KCNAB1: variants seen among roughly 807,000 people sequenced by gnomAD.
KCNAB1 encodes the protein voltage-gated potassium channel subunit beta-1.
KCNAB1 carries 35 observed loss-of-function variants against 64.6 expected under a neutral mutation model. The observed-to-expected ratio is 0.54, with a 90% CI of 0.41 to 0.72. KCNAB1 has a LOEUF of 0.72. Among genes scored for constraint, KCNAB1 ranks in the 30% least tolerant of loss-of-function variants. The probability of loss-of-function intolerance (pLI) is 0.00; values close to 1 mark genes in which losing one functional copy is unlikely to be tolerated. For synonymous variants in KCNAB1, 177 were observed against 183.8 expected, an observed-to-expected ratio of 0.96 and a Z score of 0.30; for missense variants, 401 against 512.9, an observed-to-expected ratio of 0.78 and a Z score of 2.11.
chr3:156,339,497 A>T (rs1459907761), intron 1 of KCNAB1, among the ~76,000 whole-genome samples: 1 of 152,156 alleles, frequency 6.6e-6, no homozygotes, highest in Non-Finnish European at 1.5e-5. Flanking sequence ...GGTCTGTCCA[A>T]AGGTGACAAG....
chr3:156,444,139 C>T lies in KCNAB1; in HGVS notation c.320-8760C>T, dbSNP rs187204566. Among the ~76,000 whole-genome samples the T allele has an allele frequency of 4.5e-3, 688 of 152,226 alleles. 2 individuals carry two copies. Among genetic ancestry groups the T allele is most frequent in the Non-Finnish European group, 7.8e-3 (533 of 68,022 alleles). ...GCTCTGTGGAAAATACTGACAGATG[C>T]GAGCCAGAACAAGGAAGAATGCTTT... On this transcript the variant is annotated intron_variant, in intron 2 of 13. Transcript: ENST00000490337.
At chr3:156,444,166 T>C (rs1351251395) in intron 2 of KCNAB1, among the ~76,000 whole-genome samples, 1 of 152,218 alleles carries the variant, frequency 6.6e-6, no homozygotes, top group Non-Finnish European at 1.5e-5. Flanking sequence ...GAATGCTTTG[T>C]GTGCGTCATT....
chr3:156,266,556 C>T (rs1718725647), intron 1 of KCNAB1, among the ~76,000 whole-genome samples: 1 of 152,222 alleles, frequency 6.6e-6, no homozygotes, highest in Admixed American at 6.5e-5. Flanking sequence ...ACTAAAGCTT[C>T]TCTTTTCTTT....
chr3:156,485,344 C>T (rs548195427), intron 8 of KCNAB1, among the ~76,000 whole-genome samples: 2 of 152,138 alleles, frequency 1.3e-5, no homozygotes, highest in Middle Eastern at 3.4e-3. Flanking sequence ...CAAATTGTGC[C>T]ACATTTTGCC....
At chr3:156,291,204 G>C (rs1278463623) in intron 1 of KCNAB1, 6 of 985,820 alleles carry the variant, frequency 6.1e-6, no homozygotes, top group African/African-American at 3.5e-5. Flanking sequence ...CTGCTCCTCC[G>C]TGCAGCTGCA....
At chr3:156,341,951 TA>T (rs1197517921) in intron 1 of KCNAB1, among the ~76,000 whole-genome samples, 1 of 152,136 alleles carries the variant, frequency 6.6e-6, no homozygotes, top group Non-Finnish European at 1.5e-5. Flanking sequence ...ACTATCAATT[TA>T]AAAAACAGTA....
At chr3:156,124,503 C>A (rs1713535557) in intron 1 of KCNAB1, among the ~76,000 whole-genome samples, 1 of 152,104 alleles carries the variant, frequency 6.6e-6, no homozygotes, top group Admixed American at 6.5e-5. Flanking sequence ...AGGTGTGAGC[C>A]ACCGTGCCTG....
At chr3:156,330,499 C>T (rs906801150) in intron 1 of KCNAB1, among the ~76,000 whole-genome samples, 4 of 152,128 alleles carry the variant, frequency 2.6e-5, no homozygotes, top group Non-Finnish European at 4.4e-5. Flanking sequence ...TACTCTGTTG[C>T]CCCCAGTGCT....
At chr3:156,138,995 G>T (rs915896750) in intron 1 of KCNAB1, among the ~76,000 whole-genome samples, 3 of 152,292 alleles carry the variant, frequency 2.0e-5, no homozygotes, top group Admixed American at 6.5e-5. Flanking sequence ...TGCTGACCAT[G>T]TGATTGCACA....
At chr3:156,488,675 TA>T (rs747047493) in intron 8 of KCNAB1, among the ~76,000 whole-genome samples, 3 of 152,100 alleles carry the variant, frequency 2.0e-5, no homozygotes, top group African/African-American at 4.8e-5. Flanking sequence ...GAATACGTTA[TA>T]GGGGCAGCCT....
chr3:156,444,418 G>C (rs2108265931), intron 2 of KCNAB1, among the ~76,000 whole-genome samples: 1 of 152,280 alleles, frequency 6.6e-6, no homozygotes, highest in East Asian at 1.9e-4. Context: ...ATTAATGCTT[G>C]AGCTATGATG....
At chr3:156,453,704 G>A (rs960598806) in intron 3 of KCNAB1, among the ~76,000 whole-genome samples, 1 of 152,146 alleles carries the variant, frequency 6.6e-6, no homozygotes. Context: ...ACTCCCCTGA[G>A]GGCAATGCCC....
rs1715586353 is a variant in KCNAB1 at position 156,219,811 on chromosome 3, G to A, written c.275+98925G>A. ...TAAACCTGTGCCATGGTGGTTTGCTGTACCCATCAACTCGTCATTTACATT... is the reference window on the plus strand; with the variant it reads ...TAAACCTGTGCCATGGTGGTTTGCTATACCCATCAACTCGTCATTTACATT... On this transcript the variant is annotated intron_variant, in intron 1 of 13. Coordinates refer to ENST00000490337, the MANE Select transcript of KCNAB1 (RefSeq NM_172160.3). Among the ~76,000 whole-genome samples the A allele has an allele frequency of 4.6e-5, 7 of 151,890 alleles. No individual in the cohort carries two copies. In the South Asian group the frequency reaches 1.5e-3, roughly 32 times the overall value.
At chr3:156,212,600 C>T (rs1051329502) in intron 1 of KCNAB1, among the ~76,000 whole-genome samples, 2 of 152,154 alleles carry the variant, frequency 1.3e-5, no homozygotes, top group African/African-American at 4.8e-5. Flanking sequence ...CACCCACTAC[C>T]AGGTGGCAAA....
chr3:156,212,014 C>G (rs1715038614), intron 1 of KCNAB1, among the ~76,000 whole-genome samples: 1 of 152,160 alleles, frequency 6.6e-6, no homozygotes, highest in Non-Finnish European at 1.5e-5. Flanking sequence ...CTCCAGATTT[C>G]AGGTATCTGA....
intron 1 of KCNAB1, among the ~76,000 whole-genome samples, chr3:156,302,898 T>C (rs1297455766): frequency 3.3e-5 from 5 of 152,150 alleles, no homozygotes; most frequent in African/African-American, 9.7e-5. Context: ...CAGTGAGATA[T>C]GGGAATAGAA....
At chr3:156,210,779 C>A (rs1220647829) in intron 1 of KCNAB1, among the ~76,000 whole-genome samples, 1 of 152,240 alleles carries the variant, frequency 6.6e-6, no homozygotes, top group African/African-American at 2.4e-5. Context: ...ACCTGGCAGG[C>A]ACCTGCATCT....
At chr3:156,197,830 G>T (rs1046456047) in intron 1 of KCNAB1, among the ~76,000 whole-genome samples, 8 of 151,990 alleles carry the variant, frequency 5.3e-5, no homozygotes, top group African/African-American at 9.7e-5. Flanking sequence ...CTTGTCTTCT[G>T]CTAGCTTTTG....
At chr3:156,445,748 G>C (rs1481679803) in intron 2 of KCNAB1, among the ~76,000 whole-genome samples, 1 of 152,210 alleles carries the variant, frequency 6.6e-6, no homozygotes, top group African/African-American at 2.4e-5. Flanking sequence ...GCAGTCTAAT[G>C]AGGAAGTCAC....
Sources: gnomAD v4.1 joint callset for allele counts (sites outside exome capture counted in the v4.1 genomes callset) on GRCh38, gnomAD v4.1.1 for gene constraint, MANE v1.5 for transcripts, NCBI Gene and HGNC (gene_info 2026-07-23, HGNC 2026-07-21) for gene names.